The following AP3D1 variants were observed in gnomAD, a reference collection of about 807,000 sequenced individuals.
The protein encoded by AP3D1 is adaptor related protein complex 3 subunit delta 1.
AP3D1 carries 51 observed loss-of-function variants against 147.6 expected under a neutral mutation model. The observed-to-expected ratio is 0.35, with a 90% CI of 0.28 to 0.44. The LOEUF is 0.44. AP3D1 is among the 20% of genes least tolerant of loss of function. AP3D1 has a pLI of 1.00. For synonymous variants in AP3D1, 760 were observed against 663.0 expected (o/e 1.15, Z -2.25); for missense variants, 1,421 against 1,624.2 (o/e 0.87, Z 2.15).
chr19:2,143,230 A>ATTTTTTTT (rs776434810), intron 1 of AP3D1, among the ~76,000 whole-genome samples: 3 of 74,310 alleles, frequency 4.0e-5, no homozygotes, highest in Admixed American at 1.6e-4. Context: ...TGCCTGCCTA[A>ATTTTTTTT]TTTTTTTTTT....
In AP3D1 at chr19:2,111,038, G is replaced by A. The variant is rs192625683; in HGVS notation, c.2986-142C>T. ...CGGAGAGGGGCGCCCCCTAGCCGCAGGCCAAGCGCCTCCTATGGCTGCTCT... is the reference window on the plus strand; with the variant it reads ...CGGAGAGGGGCGCCCCCTAGCCGCAAGCCAAGCGCCTCCTATGGCTGCTCT... On this transcript the variant is annotated intron_variant, in intron 26 of 31. Transcript: ENST00000643116. The A allele has an allele frequency of 2.1e-4, 207 of 1,009,284 alleles. 1 individual carries two copies. The African/African-American group carries it at 3.0e-3, about 15-fold the overall frequency. The allele number at this position is 1,009,284 out of a possible 1,614,324, so 62.5% of individuals were successfully genotyped here. A position where few individuals can be genotyped will look rare whatever the true frequency, so the allele number is the denominator to read the frequency against.
intron 4 of AP3D1, among the ~76,000 whole-genome samples, chr19:2,135,892 C>T (rs1214394638): frequency 6.6e-6 from 1 of 152,068 alleles, no homozygotes; most frequent in East Asian, 1.9e-4. Flanking sequence ...CTCCTCCCTC[C>T]CAGTTACCAC....
At chr19:2,155,255 G>A (rs1261107530), upstream of AP3D1, among the ~76,000 whole-genome samples, 1 of 151,918 alleles carries the variant, frequency 6.6e-6, no homozygotes, top group Non-Finnish European at 1.5e-5. Context: ...ATCTACTCAG[G>A]GAGGCTGAGG....
intron 6 of AP3D1, among the ~76,000 whole-genome samples, chr19:2,130,086 G>A (rs938587294): frequency 2.6e-5 from 4 of 152,192 alleles, no homozygotes; most frequent in African/African-American, 9.7e-5. Flanking sequence ...GGGACATATG[G>A]TCTAGACCAT....
At chr19:2,151,799 T>C (rs1472056767), upstream of AP3D1, among the ~76,000 whole-genome samples, 1 of 152,240 alleles carries the variant, frequency 6.6e-6, no homozygotes, top group Non-Finnish European at 1.5e-5. Context: ...GCCTTCTTCC[T>C]AGTTCTGAGC....
intron 14 of AP3D1, among the ~76,000 whole-genome samples, chr19:2,120,210 G>C (rs1419000921): frequency 6.6e-6 from 1 of 152,200 alleles, no homozygotes; most frequent in African/African-American, 2.4e-5. Flanking sequence ...TGTGAGAACC[G>C]TGAGTCTCAG....
intron 5 of AP3D1, among the ~76,000 whole-genome samples, 164 bp downstream of exon 5, chr19:2,132,307 G>C (rs990398906): frequency 1.3e-5 from 2 of 152,334 alleles, no homozygotes; most frequent in Non-Finnish European, 2.9e-5. Flanking sequence ...AGCGGCCCAA[G>C]AGCCGCTCCA....
At chr19:2,112,665 G>A in intron 24 of AP3D1, 195 bp downstream of exon 24, 6 of 551,562 alleles carry the variant, frequency 1.1e-5, no homozygotes, top group South Asian at 2.4e-5. Flanking sequence ...TGAGACTTAT[G>A]AACCATGTGT....
intron 31 of AP3D1, among the ~76,000 whole-genome samples, chr19:2,108,461 C>A (rs1183690348): frequency 6.6e-6 from 1 of 152,182 alleles, no homozygotes; most frequent in Non-Finnish European, 1.5e-5. Context: ...AGCCATGTGT[C>A]AGCCTGCGGT....
Position 2,137,716 on chromosome 19 carries a change from C to G in AP3D1, c.273+11G>C. 2 of 1,613,484 alleles carry G rather than the reference C, an allele frequency of 1.2e-6. No homozygotes were observed. The highest frequency in any genetic ancestry group is 1.7e-6 in the Non-Finnish European group (2 of 1,179,592). On this transcript the variant is annotated intron_variant, in intron 3 of 31. Coordinates refer to ENST00000643116, the MANE Select transcript of AP3D1 (RefSeq NM_001261826.3). ...CCCCACCCCACCAGCCTTGCCGTCC[C>G]AGAACCTCACCTTGAAGGTGAACTT...
At chr19:2,127,700 T>C (rs529072882) in intron 8 of AP3D1, among the ~76,000 whole-genome samples, 2 of 152,308 alleles carry the variant, frequency 1.3e-5, no homozygotes, top group African/African-American at 4.8e-5. Context: ...AATTTTTGTA[T>C]TTTTTAGGTA....
At chr19:2,153,483 G>A (rs1008690938), upstream of AP3D1, among the ~76,000 whole-genome samples, 4 of 151,880 alleles carry the variant, frequency 2.6e-5, no homozygotes, top group African/African-American at 9.7e-5. Context: ...TGAGACCAGC[G>A]TGGCCAACAT....
intron 15 of AP3D1, among the ~76,000 whole-genome samples, chr19:2,117,951 GGAGTTT>G (rs2018505347): frequency 6.6e-6 from 1 of 152,200 alleles, no homozygotes; most frequent in East Asian, 1.9e-4. Flanking sequence ...CCTGACGTCA[GGAGTTT>G]GAGACCAGCC....
intron 22 of AP3D1, 112 bp downstream of exon 22, chr19:2,114,013 C>T (rs2018361861): frequency 2.7e-6 from 4 of 1,457,884 alleles, no homozygotes; most frequent in Non-Finnish European, 3.6e-6. Context: ...GGCTGGCACT[C>T]GCTGCCTGAC....
intron 31 of AP3D1, among the ~76,000 whole-genome samples, chr19:2,105,914 T>C (rs55988408): frequency 0.12 from 18,976 of 151,970 alleles, 1,312 homozygotes; most frequent in Non-Finnish European, 0.16. Context: ...GGTGAAACCC[T>C]GGAAACCCCG....
chr19:2,129,574 C>T (rs901952733), intron 6 of AP3D1, 117 bp from the exon 7 acceptor site: 2 of 1,300,142 alleles, frequency 1.5e-6, no homozygotes, highest in Admixed American at 2.7e-5. Context: ...CTGAACATGG[C>T]CCTGGCTCTG....
At chr19:2,113,235 C>T (rs561248825) in intron 23 of AP3D1, 101 bp downstream of exon 23, 7 of 697,460 alleles carry the variant, frequency 1.0e-5, no homozygotes, top group East Asian at 5.7e-5. Context: ...GTGCTGACCG[C>T]GAGAGCACAG....
At chr19:2,108,351 C>G (rs541179954) in intron 31 of AP3D1, among the ~76,000 whole-genome samples, 2 of 152,206 alleles carry the variant, frequency 1.3e-5, no homozygotes, top group Non-Finnish European at 2.9e-5. Flanking sequence ...ATTCTAGAAG[C>G]GCAGCAGTGA....
chr19:2,163,951 C>G (rs909632710), intron 1 of AP3D1, among the ~76,000 whole-genome samples: 2 of 149,690 alleles, frequency 1.3e-5, no homozygotes, highest in Non-Finnish European at 3.0e-5. Context: ...CGCTTCACGC[C>G]GGCCCAAGAT....
Sources: allele counts gnomAD v4.1 joint callset (sites outside exome capture counted in the v4.1 genomes callset), GRCh38; gene constraint gnomAD v4.1.1; transcripts MANE v1.5; gene names NCBI Gene and HGNC (gene_info 2026-07-23, HGNC 2026-07-21).